Variants in ATM observed in about 807,000 individuals in gnomAD.
ATM encodes the protein serine-protein kinase ATM.
ATM carries 308 observed loss-of-function variants against 387.0 expected under a neutral mutation model. The observed-to-expected ratio is 0.80, with a 90% CI of 0.73 to 0.87. ATM has a LOEUF of 0.87. Among genes scored for constraint, ATM ranks in the 40% least tolerant of loss-of-function variants. The pLI, the probability that ATM is intolerant of heterozygous loss-of-function variation, is 0.00. For synonymous variants in ATM, 1,156 were observed against 1,187.3 expected, an observed-to-expected ratio of 0.97 and a Z score of 0.54; for missense variants, 3,312 against 3,560.9, an observed-to-expected ratio of 0.93 and a Z score of 1.78.
chr11:108,335,966 C>T lies in ATM; in HGVS notation c.8268+5C>T, dbSNP rs1565544035. On this transcript the variant is annotated splice_donor_5th_base_variant and intron_variant, in intron 56 of 62. Coordinates refer to ENST00000675843, the MANE Select transcript of ATM (RefSeq NM_000051.4). ...TTAACTATCTGTACTTATAAGGTAA[C>T]TATTTGTACTTCTGTTAGTTCACCA... The T allele has an allele frequency of 6.3e-7, 1 of 1,586,134 alleles. No individual in the cohort carries two copies. The highest frequency in any genetic ancestry group is 8.7e-7 in the Non-Finnish European group (1 of 1,154,874).
At chr11:108,345,968 G>C (rs1476557809) in intron 58 of ATM, 60 bp downstream of exon 58, 12 of 1,592,438 alleles carry the variant, frequency 7.5e-6, no homozygotes, top group Non-Finnish European at 9.5e-6. Flanking sequence ...TTTTATTTTT[G>C]TTTGATTCAG....
At chr11:108,319,789 A>C (rs1159198407) in intron 43 of ATM, among the ~76,000 whole-genome samples, 165 bp from the exon 44 acceptor site, 2 of 152,262 alleles carry the variant, frequency 1.3e-5, no homozygotes, top group African/African-American at 4.8e-5. Flanking sequence ...TAAAGAATTT[A>C]AATGACTCAT....
At chr11:108,327,857 G>C in intron 48 of ATM, 99 bp downstream of exon 48, 1 of 980,464 alleles carries the variant, frequency 1.0e-6, no homozygotes, top group Non-Finnish European at 1.6e-6. Context: ...TAAAAGTATG[G>C]TTTTATTTTT....
rs1011179045 is a variant in ATM, at chr11:108,243,893, A to T, written c.497-60A>T. 95 of 1,392,772 alleles carry T rather than the reference A, an allele frequency of 6.8e-5. No homozygotes were observed. The African/African-American group carries it at 1.3e-3, about 18-fold the overall frequency. The allele number at this position is 1,392,772 out of a possible 1,614,324, so 86.3% of individuals were successfully genotyped here. A position where few individuals can be genotyped will look rare whatever the true frequency, so the allele number is the denominator to read the frequency against. On this transcript the variant is annotated intron_variant, in intron 5 of 62. Coordinates refer to ENST00000675843, the MANE Select transcript of ATM (RefSeq NM_000051.4). ...TATGGAATATTTAAGTTAAATTGTA[A>T]CATTTAATACATTTTGATTTTTAAA...
intron 25 of ATM, among the ~76,000 whole-genome samples, chr11:108,283,623 T>C (rs534760723): frequency 3.9e-5 from 6 of 152,328 alleles, no homozygotes; most frequent in African/African-American, 9.6e-5. Flanking sequence ...GTGGTCCTTA[T>C]AGTTCATTCA....
intron 16 of ATM, among the ~76,000 whole-genome samples, chr11:108,261,400 C>A (rs553878299): frequency 6.6e-6 from 1 of 152,202 alleles, no homozygotes; most frequent in African/African-American, 2.4e-5. Context: ...CAGGGTACTC[C>A]AACAGGCCTG....
intron 4 of ATM, among the ~76,000 whole-genome samples, chr11:108,234,541 G>A (rs763435786): frequency 1.3e-5 from 2 of 152,152 alleles, no homozygotes; most frequent in Non-Finnish European, 2.9e-5. Flanking sequence ...TGTTAAAAAT[G>A]ACACAGGTAC....
intron 5 of ATM, among the ~76,000 whole-genome samples, chr11:108,237,899 GTTTTTTTT>G (rs369161623): frequency 8.7e-5 from 8 of 92,046 alleles, no homozygotes; most frequent in African/African-American, 2.8e-4. Context: ...ATTTACTTAG[GTTTTTTTT>G]TTTTTTTTTT....
intron 3 of ATM, 152 bp downstream of exon 3, chr11:108,228,040 C>A: frequency 3.1e-6 from 2 of 644,382 alleles, no homozygotes; most frequent in Non-Finnish European, 5.1e-6. Context: ...TAATATTTAT[C>A]CAAAACATAA....
chr11:108,327,616 T>C (rs369191171), intron 47 of ATM, 29 bp from the exon 48 acceptor site: 19 of 1,557,462 alleles, frequency 1.2e-5, no homozygotes, highest in Admixed American at 1.7e-5. Flanking sequence ...TAATGCATTA[T>C]ATTTTAAGAT....
chr11:108,268,734 A>G (rs2081407722), intron 18 of ATM, 125 bp downstream of exon 18: 1 of 1,040,714 alleles, frequency 9.6e-7, no homozygotes, highest in Non-Finnish European at 1.5e-6. Flanking sequence ...TGAGAAATGA[A>G]CCTGAGACTA....
In ATM at chr11:108,284,638, G is replaced by A. The variant is rs563102433; in HGVS notation, c.3993+165G>A. 3.3e-5 allele frequency among the ~76,000 whole-genome samples: 5 copies of A among 152,098 alleles called. No individual in the cohort carries two copies. The South Asian group carries it at 6.2e-4, about 19-fold the overall frequency. The stretch of plus-strand genomic sequence containing the variant: ...ACCCATGAATTTTTTTGGTTATGTC[G>A]TGTTGTCTCCCTCTGATTGGCTTTT... On this transcript the variant is annotated intron_variant, in intron 26 of 62. Transcript: ENST00000675843.
chr11:108,270,537 A>T (rs2081516745), intron 18 of ATM, among the ~76,000 whole-genome samples: 1 of 152,144 alleles, frequency 6.6e-6, no homozygotes, highest in South Asian at 2.1e-4. Context: ...TAGATGACAT[A>T]AGGCAAGTTT....
chr11:108,346,277 C>A (rs1390512951), intron 58 of ATM, among the ~76,000 whole-genome samples: 3 of 151,820 alleles, frequency 2.0e-5, no homozygotes, highest in Non-Finnish European at 2.9e-5. Context: ...TATTTTTGTT[C>A]TTTTGCATAT....
intron 9 of ATM, 86 bp downstream of exon 9, chr11:108,249,188 C>T: frequency 6.8e-7 from 1 of 1,471,444 alleles, no homozygotes; most frequent in Non-Finnish European, 9.4e-7. Flanking sequence ...ATCCTTTCAT[C>T]TCAACCAGAA....
intron 56 of ATM, chr11:108,340,093 G>C (rs1200778370): frequency 6.6e-6 from 1 of 152,188 alleles, no homozygotes; most frequent in African/African-American, 2.4e-5. Context: ...ATAATGCAAA[G>C]TGTATTGTTA....
Position 108,299,824 on chromosome 11 carries a change from A to G in ATM, c.5116A>G (p.Lys1706Glu), listed in dbSNP as rs1291151519. 6.2e-7 allele frequency: 1 copy of G among 1,613,988 alleles called. No individual in the cohort carries two copies. The highest frequency in any genetic ancestry group is 1.7e-5 in the Admixed American group (1 of 60,026). Residue 1706 changes from lysine (K) to glutamate (E), a missense_variant, in exon 34 of 63, where the codon AAA (lysine) becomes GAA (glutamate). Physicochemically the swap from Lys to Glu is moderately conservative, Grantham distance 56 (BLOSUM62 1). This residue lies in a region of ATM where 1,405 missense variants were observed against 1,604.4 expected (regional missense o/e 0.88). Transcript: ENST00000675843. ...CAAGGCCCTTAAGTTATTTGAAGAT[A>G]AAGAACTTCAGTGGACCTTCATAAT... The part of the protein sequence containing the change: ...YTKALKLFED[K>E]ELQWTFIMLT...
chr11:108,274,076 C>T (rs1460986266), intron 22 of ATM, among the ~76,000 whole-genome samples: 1 of 152,016 alleles, frequency 6.6e-6, no homozygotes, highest in Non-Finnish European at 1.5e-5. Flanking sequence ...TTCAGGGATT[C>T]GACTTCTTCC....
rs537345228 is a variant in ATM at position 108,368,535 on chromosome 11, CA to C, written c.*3029del. Reference sequence around the variant, plus strand: ...ATTTGGAGAAATAAGTTGTCCAAGGCAAGAAGATAGTAAATTATAAGTACAA... The same window carrying C: ...ATTTGGAGAAATAAGTTGTCCAAGGCAGAAGATAGTAAATTATAAGTACAA... On this transcript the variant is annotated 3_prime_UTR_variant, in exon 63 of 63. Coordinates refer to ENST00000675843, the MANE Select transcript of ATM (RefSeq NM_000051.4). 17 of 217,112 alleles carry C rather than the reference CA, an allele frequency of 7.8e-5. No individual in the cohort carries two copies. In the East Asian group the frequency reaches 8.9e-4, roughly 11 times the overall value. The allele number at this position is 217,112 out of a possible 1,614,324, so 13.4% of individuals were successfully genotyped here.
Sources: allele counts gnomAD v4.1 joint callset (sites outside exome capture counted in the v4.1 genomes callset), GRCh38; gene constraint gnomAD v4.1.1; regional missense constraint gnomAD v4.1.1; transcripts MANE v1.5; gene names NCBI Gene and HGNC (gene_info 2026-07-23, HGNC 2026-07-21).